The following SMOC2 variants were observed in gnomAD, a reference collection of about 807,000 sequenced individuals.
SMOC2 encodes the protein SPARC-related modular calcium-binding protein 2.
Under a neutral mutation model 61.4 loss-of-function variants are expected in SMOC2, and 39 were observed. The observed-to-expected ratio is 0.64, with a 90% confidence interval of 0.49 to 0.83. The LOEUF is 0.83. Ranked by LOEUF, SMOC2 falls within the 40% of genes least tolerant of loss-of-function variation. The probability of loss-of-function intolerance (pLI) is 0.00; values close to 1 mark genes in which losing one functional copy is unlikely to be tolerated. For synonymous variants in SMOC2, 247 were observed against 239.9 expected, an observed-to-expected ratio of 1.03 and a Z score of -0.27; for missense variants, 556 against 592.9, an observed-to-expected ratio of 0.94 and a Z score of 0.65.
intron 10 of SMOC2, 90 bp downstream of exon 10, chr6:168,650,873 T>A: frequency 8.3e-7 from 1 of 1,205,476 alleles, no homozygotes; most frequent in Non-Finnish European, 1.2e-6. Flanking sequence ...ATTGGCAACC[T>A]TCTCAGCTTA....
chr6:168,588,009 CGGGGTGA>C (rs555905678), intron 7 of SMOC2, among the ~76,000 whole-genome samples: 331 of 133,670 alleles, frequency 2.5e-3, no homozygotes, highest in Middle Eastern at 0.015. Flanking sequence ...GATTTGGTGT[CGGGGTGA>C]GGGGTGAGGG....
chr6:168,575,207 G>A (rs972151821), intron 7 of SMOC2, among the ~76,000 whole-genome samples: 6 of 152,144 alleles, frequency 3.9e-5, no homozygotes, highest in African/African-American at 1.2e-4. Flanking sequence ...CGAGTGGCTC[G>A]CTTTTGCTGC....
chr6:168,638,038 TCCCTGGCCAGTCCCTG>T (rs1428537487), intron 9 of SMOC2, among the ~76,000 whole-genome samples: 6 of 125,186 alleles, frequency 4.8e-5, no homozygotes, highest in African/African-American at 1.8e-4. Flanking sequence ...ATCTGCGCAC[TCCCTGGCCAGTCCCTG>T]CCCTGCCCCT....
rs186976849 is a variant in SMOC2, at chr6:168,596,056, A to G, written c.638-2762A>G. On this transcript the variant is annotated intron_variant, in intron 7 of 12. Coordinates refer to ENST00000356284, the MANE Select transcript of SMOC2 (RefSeq NM_001166412.2). Reference sequence around the variant, plus strand: ...TGAACAAGCGCCACGTGAACACGGCAGTGATGAGTTTCCTGGGTGCTGCTG... The same window carrying G: ...TGAACAAGCGCCACGTGAACACGGCGGTGATGAGTTTCCTGGGTGCTGCTG... Among the ~76,000 whole-genome samples, 334 of 125,050 alleles carry G rather than the reference A, an allele frequency of 2.7e-3. 8 individuals are homozygous for G. The highest frequency in any genetic ancestry group is 9.1e-3 in the African/African-American group (317 of 34,898). 82.0% of individuals were successfully genotyped at this position (125,050 alleles called of 152,430 possible). A position where few individuals can be genotyped will look rare whatever the true frequency, so the allele number is the denominator to read the frequency against.
chr6:168,599,372 CCA>C (rs1297004581), intron 8 of SMOC2, among the ~76,000 whole-genome samples: 4 of 135,094 alleles, frequency 3.0e-5, no homozygotes, highest in Non-Finnish European at 6.2e-5. Context: ...CACAATCATA[CCA>C]CACACACCCA....
At chr6:168,647,687 G>A (rs62423403) in intron 9 of SMOC2, among the ~76,000 whole-genome samples, 21,075 of 152,212 alleles carry the variant, frequency 0.14, 1,604 homozygotes, top group Non-Finnish European at 0.17. Context: ...TCACTTCATG[G>A]TACTTCTGTG....
chr6:168,467,562 C>G (rs1398104747), intron 1 of SMOC2, among the ~76,000 whole-genome samples: 1 of 152,144 alleles, frequency 6.6e-6, no homozygotes, highest in Non-Finnish European at 1.5e-5. Context: ...CCCGCCTCGG[C>G]CTCCCAAAGT....
At chr6:168,549,273 T>C (rs1562341502) in intron 7 of SMOC2, 70 bp downstream of exon 7, 2 of 1,478,512 alleles carry the variant, frequency 1.4e-6, no homozygotes, top group Non-Finnish European at 1.9e-6. Flanking sequence ...GGGTTTTTTT[T>C]TGGAGTTAAG....
chr6:168,615,589 C>T (rs541723338), intron 9 of SMOC2, among the ~76,000 whole-genome samples: 15 of 109,636 alleles, frequency 1.4e-4, no homozygotes, highest in African/African-American at 4.6e-4. Context: ...CTCTTCATAC[C>T]TACAGCCAGC....
chr6:168,637,127 G>A (rs912563633), intron 9 of SMOC2, among the ~76,000 whole-genome samples: 1 of 151,912 alleles, frequency 6.6e-6, no homozygotes, highest in African/African-American at 2.4e-5. Flanking sequence ...TGAGGTAGTT[G>A]GACCAGAGGG....
intron 7 of SMOC2, among the ~76,000 whole-genome samples, chr6:168,584,032 T>C (rs893965493): frequency 1.2e-4 from 18 of 152,118 alleles, no homozygotes; most frequent in African/African-American, 3.6e-4. Flanking sequence ...CAAACTCTAG[T>C]CCCTACACGT....
In SMOC2 at chr6:168,647,923, T is replaced by G. The variant is rs187602977; in HGVS notation, c.908-2758T>G. On this transcript the variant is annotated intron_variant, in intron 9 of 12. Coordinates refer to ENST00000356284, the MANE Select transcript of SMOC2 (RefSeq NM_001166412.2). ...TTGTTTTAGAAGTACATAATGCTTT[T>G]TATGTTCAGTTTTTCTTTTTGCACT... Among the ~76,000 whole-genome samples, 49 of 152,312 alleles carry G rather than the reference T, an allele frequency of 3.2e-4. No homozygotes were observed. In the East Asian group the frequency reaches 9.3e-3, roughly 29 times the overall value.
intron 8 of SMOC2, 24 bp downstream of exon 8, chr6:168,599,028 C>G: frequency 1.3e-6 from 2 of 1,552,542 alleles, no homozygotes; most frequent in Non-Finnish European, 1.7e-6. Context: ...ACCCACCCCC[C>G]CCGGGACCAT....
At chr6:168,599,329 ACACT>A (rs992171453) in intron 8 of SMOC2, among the ~76,000 whole-genome samples, 7 of 143,860 alleles carry the variant, frequency 4.9e-5, no homozygotes, top group East Asian at 2.1e-4. Context: ...TGTTTCACAC[ACACT>A]CATACCCACA....
intron 9 of SMOC2, among the ~76,000 whole-genome samples, chr6:168,629,854 T>C (rs1223725218): frequency 6.6e-6 from 1 of 152,232 alleles, no homozygotes. Flanking sequence ...TAAGCATTTC[T>C]GGTGTTTATG....
chr6:168,560,179 C>G (rs909208253), intron 7 of SMOC2, among the ~76,000 whole-genome samples: 2 of 152,134 alleles, frequency 1.3e-5, no homozygotes, highest in Admixed American at 6.6e-5. Flanking sequence ...TACCTGCAGC[C>G]TACATTTGTG....
intron 9 of SMOC2, among the ~76,000 whole-genome samples, chr6:168,623,329 A>ATTTTTTTTTTTTTT (rs11284179): frequency 1.5e-5 from 2 of 129,108 alleles, no homozygotes; most frequent in Non-Finnish European, 3.2e-5. Flanking sequence ...TGGATAATTA[A>ATTTTTTTTTTTTTT]TTTTTTTTTT....
chr6:168,464,939 G>A (rs1781794921), intron 1 of SMOC2, among the ~76,000 whole-genome samples: 1 of 152,232 alleles, frequency 6.6e-6, no homozygotes, highest in Admixed American at 6.5e-5. Context: ...GTGGCTCCAG[G>A]TGGGTGGAAG....
chr6:168,558,871 A>G (rs570273683), intron 7 of SMOC2, among the ~76,000 whole-genome samples: 3 of 148,738 alleles, frequency 2.0e-5, no homozygotes, highest in South Asian at 2.1e-4. Context: ...ATGTGTGTGC[A>G]TGTGTGTGCG....
Sources: gnomAD v4.1 joint callset for allele counts (sites outside exome capture counted in the v4.1 genomes callset) on GRCh38, gnomAD v4.1.1 for gene constraint, MANE v1.5 for transcripts, NCBI Gene and HGNC (gene_info 2026-07-23, HGNC 2026-07-21) for gene names.